KIAA0586: variants seen among roughly 807,000 people sequenced by gnomAD.
KIAA0586 encodes KIAA0586, also known as protein TALPID3.
KIAA0586 carries 144 observed loss-of-function variants against 169.8 expected under a neutral mutation model. The observed-to-expected ratio is 0.85, with a 90% CI of 0.74 to 0.97. The LOEUF (loss-of-function observed/expected upper bound fraction) is 0.97. Ranked by LOEUF, KIAA0586 falls within the 50% of genes least tolerant of loss-of-function variation. The pLI, the probability that KIAA0586 is intolerant of heterozygous loss-of-function variation, is 0.00. For missense variants in KIAA0586, 1,854 were observed against 1,823.0 expected, an observed-to-expected ratio of 1.02 and a Z score of -0.31; for synonymous variants, 625 against 612.4, an observed-to-expected ratio of 1.02 and a Z score of -0.30.
In KIAA0586 at chr14:58,455,905, G is replaced by A. The variant is rs185586512; in HGVS notation, c.1254-797G>A. Reference sequence around the variant, plus strand: ...TGACCTTCTAGATTCCTAGGAATATGTTGGAGCTTTTCAAAACTCCACTTT... The same window carrying A: ...TGACCTTCTAGATTCCTAGGAATATATTGGAGCTTTTCAAAACTCCACTTT... On this transcript the variant is annotated intron_variant, in intron 9 of 30. Coordinates refer to ENST00000652326, the MANE Select transcript of KIAA0586 (RefSeq NM_001329943.3). Among the ~76,000 whole-genome samples, 448 of 152,268 alleles carry A rather than the reference G, an allele frequency of 2.9e-3. 4 individuals are homozygous for A. Among genetic ancestry groups the A allele is most frequent in the African/African-American group, 0.01 (430 of 41,552 alleles).
At chr14:58,483,103 C>G (rs149244894) in intron 21 of KIAA0586, among the ~76,000 whole-genome samples, 1 of 152,250 alleles carries the variant, frequency 6.6e-6, no homozygotes, top group African/African-American at 2.4e-5. Context: ...TTGGCCAATC[C>G]TTGCATACTC....
intron 26 of KIAA0586, among the ~76,000 whole-genome samples, chr14:58,496,597 G>T (rs564683044): frequency 1.3e-5 from 2 of 152,236 alleles, no homozygotes; most frequent in South Asian, 4.1e-4. Context: ...TCAGGCTAAG[G>T]GAATAAGGAG....
In KIAA0586 at chr14:58,531,326, CAAAAA is replaced by C; in HGVS notation, c.4430-8734_4430-8730del. ...TGGGGGACAGACCGAGACTCCGTCT[CAAAAA>C]AAAAAAAAAATAAAATAAATAAAAA... On this transcript the variant is annotated intron_variant, in intron 29 of 30. Coordinates refer to ENST00000652326, the MANE Select transcript of KIAA0586 (RefSeq NM_001329943.3). 4.2e-5 allele frequency among the ~76,000 whole-genome samples: 4 copies of C among 96,174 alleles called. 1 individual carries two copies. The allele number at this position is 96,174 out of a possible 152,430, so 63.1% of individuals were successfully genotyped here.
intron 29 of KIAA0586, among the ~76,000 whole-genome samples, chr14:58,535,705 T>A (rs2046239096): frequency 1.3e-5 from 2 of 151,896 alleles, no homozygotes; most frequent in African/African-American, 4.8e-5. Flanking sequence ...TTGGATTTTT[T>A]TTTTTTTTTT....
At chr14:58,450,127 T>A (rs1746370493) in intron 7 of KIAA0586, among the ~76,000 whole-genome samples, 1 of 152,142 alleles carries the variant, frequency 6.6e-6, no homozygotes, top group Non-Finnish European at 1.5e-5. Flanking sequence ...ACTCAGGCAG[T>A]TTTTAGGTTT....
At chr14:58,528,955 T>C (rs1314482864) in intron 29 of KIAA0586, among the ~76,000 whole-genome samples, 2 of 152,046 alleles carry the variant, frequency 1.3e-5, no homozygotes, top group Non-Finnish European at 2.9e-5. Context: ...GATAGACCAC[T>C]AGCTAGACTA....
chr14:58,469,903 G>T (rs1236229300), intron 16 of KIAA0586, among the ~76,000 whole-genome samples: 1 of 152,084 alleles, frequency 6.6e-6, no homozygotes, highest in Non-Finnish European at 1.5e-5. Flanking sequence ...TTTTGGTGAG[G>T]GTTGGGTAAA....
In KIAA0586 at chr14:58,488,738, C is replaced by G. The variant is rs375360391; in HGVS notation, c.3645C>G (p.Pro1215=). The change falls in exon 24 of 31, where the codon CCC becomes CCG. Residue 1215 remains proline (P), a synonymous_variant. Coordinates refer to ENST00000652326, the MANE Select transcript of KIAA0586 (RefSeq NM_001329943.3). ...CTGCCGGCACCAAGGCCCCTTCCCC[C>G]TCACAGATGCCAGGTTCTGATTCAT... The part of the protein sequence containing the change: ...PFPAGTKAPS[P]SQMPGSDSST... 5 of 1,613,914 alleles carry G rather than the reference C, an allele frequency of 3.1e-6. No individual in the cohort carries two copies. The highest frequency in any genetic ancestry group is 1.6e-4 in the Middle Eastern group (1 of 6,062).
rs1342468073 is a variant in KIAA0586 at position 58,531,314 on chromosome 14, G to A, written c.4430-8757G>A. 2.1e-5 allele frequency among the ~76,000 whole-genome samples: 3 copies of A among 144,618 alleles called. No homozygotes were observed. The South Asian group carries it at 6.5e-4, about 31-fold the overall frequency. 94.9% of individuals were successfully genotyped at this position (144,618 alleles called of 152,430 possible). On this transcript the variant is annotated intron_variant, in intron 29 of 30. Transcript: ENST00000652326. ...TGCACTCCAGCCTGGGGGACAGACCGAGACTCCGTCTCAAAAAAAAAAAAA... is the reference window on the plus strand; with the variant it reads ...TGCACTCCAGCCTGGGGGACAGACCAAGACTCCGTCTCAAAAAAAAAAAAA...
intron 26 of KIAA0586, among the ~76,000 whole-genome samples, chr14:58,498,142 C>G (rs2043292925): frequency 6.6e-6 from 1 of 152,068 alleles, no homozygotes; most frequent in South Asian, 2.1e-4. Flanking sequence ...TCCCAAAGTG[C>G]TGGTATTACA....
intron 29 of KIAA0586, among the ~76,000 whole-genome samples, chr14:58,519,132 A>G (rs2044994917): frequency 6.6e-6 from 1 of 152,250 alleles, no homozygotes; most frequent in African/African-American, 2.4e-5. Context: ...ACTCTGTCTC[A>G]AAACCAAAAC....
chr14:58,559,717 T>C, the KIAA0586 span, among the ~76,000 whole-genome samples: 1 of 152,098 alleles, frequency 6.6e-6, no homozygotes, highest in African/African-American at 2.4e-5. Context: ...AGGAGCAGAA[T>C]AGGATGTCAG....
chr14:58,455,654 C>G (rs1378233524), intron 9 of KIAA0586, among the ~76,000 whole-genome samples: 1 of 151,400 alleles, frequency 6.6e-6, no homozygotes, highest in African/African-American at 2.4e-5. Flanking sequence ...AAGTCTCCCT[C>G]TCTTTGCCAT....
chr14:58,535,120 A>G (rs1002871360), intron 29 of KIAA0586, among the ~76,000 whole-genome samples: 3 of 151,042 alleles, frequency 2.0e-5, no homozygotes, highest in Non-Finnish European at 3.0e-5. Context: ...TACGGTATGT[A>G]TGGCTTCTTT....
At chr14:58,511,090 C>A (rs967682782) in intron 28 of KIAA0586, among the ~76,000 whole-genome samples, 4 of 152,040 alleles carry the variant, frequency 2.6e-5, no homozygotes, top group Admixed American at 1.3e-4. Context: ...TAGGTCAAAA[C>A]AGCAAATTGG....
chr14:58,477,854 T>C (rs1386629675), intron 20 of KIAA0586, among the ~76,000 whole-genome samples: 2 of 151,986 alleles, frequency 1.3e-5, no homozygotes, highest in Non-Finnish European at 2.9e-5. Flanking sequence ...CTTTTTCTCT[T>C]TTCCCCTTTC....
chr14:58,465,747 T>C, intron 14 of KIAA0586, 88 bp from the exon 15 acceptor site: 3 of 799,894 alleles, frequency 3.8e-6, no homozygotes, highest in Non-Finnish European at 5.7e-6. Flanking sequence ...TTAAGATTTT[T>C]CTGTGAAGAG....
At chr14:58,540,808 G>A (rs957608112) in intron 30 of KIAA0586, among the ~76,000 whole-genome samples, 27 of 152,288 alleles carry the variant, frequency 1.8e-4, no homozygotes, top group African/African-American at 5.8e-4. Flanking sequence ...GAAAGCAAAA[G>A]TAAATAAAAT....
chr14:58,503,936 T>C (rs1228502903), intron 27 of KIAA0586, among the ~76,000 whole-genome samples: 2 of 152,102 alleles, frequency 1.3e-5, no homozygotes, highest in African/African-American at 4.8e-5. Flanking sequence ...CTGGATTATC[T>C]ATTAAGGAGT....
Sources: gnomAD v4.1 joint callset for allele counts (sites outside exome capture counted in the v4.1 genomes callset) on GRCh38, gnomAD v4.1.1 for gene constraint, MANE v1.5 for transcripts, NCBI Gene and HGNC (gene_info 2026-07-23, HGNC 2026-07-21) for gene names.